Variants in EYA2 observed in about 807,000 individuals in gnomAD.
EYA2 encodes protein phosphatase EYA2.
EYA2 carries 31 observed loss-of-function variants against 69.2 expected under a neutral mutation model. The observed-to-expected ratio is 0.45, with a 90% CI of 0.34 to 0.60. The LOEUF is 0.60. Ranked by LOEUF, EYA2 falls within the 20% of genes least tolerant of loss-of-function variation. The probability of loss-of-function intolerance (pLI) is 0.02; values close to 1 mark genes in which losing one functional copy is unlikely to be tolerated. For synonymous variants in EYA2, 257 were observed against 279.4 expected (o/e 0.92, Z 0.80); for missense variants, 622 against 701.2 (o/e 0.89, Z 1.28).
chr20:47,050,587 C>T (rs2030281164), intron 5 of EYA2, among the ~76,000 whole-genome samples: 1 of 152,168 alleles, frequency 6.6e-6, no homozygotes, highest in Non-Finnish European at 1.5e-5. Flanking sequence ...GACCATCAAA[C>T]CTTTATAAGC....
At chr20:46,906,190 C>T (rs1984346834) in intron 1 of EYA2, among the ~76,000 whole-genome samples, 1 of 152,200 alleles carries the variant, frequency 6.6e-6, no homozygotes, top group African/African-American at 2.4e-5. Flanking sequence ...CCAAGTCCAT[C>T]AAGTAATTGA....
At chr20:47,085,243 T>C (rs1208682583) in intron 7 of EYA2, among the ~76,000 whole-genome samples, 1 of 152,206 alleles carries the variant, frequency 6.6e-6, no homozygotes, top group African/African-American at 2.4e-5. Context: ...TTAATGTTCA[T>C]AGCAGCCTTA....
chr20:47,147,180 T>C (rs576993842), intron 10 of EYA2, among the ~76,000 whole-genome samples: 4 of 151,574 alleles, frequency 2.6e-5, no homozygotes, highest in East Asian at 3.9e-4. Flanking sequence ...TCCCAAGTAG[T>C]TGAGATTACA....
intron 5 of EYA2, among the ~76,000 whole-genome samples, chr20:47,045,607 C>T (rs1219529118): frequency 6.6e-6 from 1 of 152,168 alleles, no homozygotes; most frequent in Non-Finnish European, 1.5e-5. Flanking sequence ...GATTTGTTAC[C>T]TTGAAGACGT....
intron 5 of EYA2, among the ~76,000 whole-genome samples, chr20:47,047,398 T>C (rs887674180): frequency 2.0e-5 from 3 of 151,576 alleles, no homozygotes; most frequent in Admixed American, 6.6e-5. Flanking sequence ...CTCTCTCTCT[T>C]TTTTTTGAGA....
rs975637696 is a variant in EYA2 at position 47,000,156 on chromosome 20, A to G, written c.110-1272A>G. ...TGAGGATGAGAATAGAACCTTTCTCACAGGGTACTTATGAGGATTAAAATA... is the reference window on the plus strand; with the variant it reads ...TGAGGATGAGAATAGAACCTTTCTCGCAGGGTACTTATGAGGATTAAAATA... On this transcript the variant is annotated intron_variant, in intron 2 of 15. Transcript: ENST00000327619. Among the ~76,000 whole-genome samples, 8 of 152,346 alleles carry G rather than the reference A, an allele frequency of 5.3e-5. 1 individual carries two copies. Among genetic ancestry groups the G allele is most frequent in the African/African-American group, 1.9e-4 (8 of 41,586 alleles).
intron 5 of EYA2, among the ~76,000 whole-genome samples, chr20:47,066,676 C>T (rs1568756510): frequency 6.6e-6 from 1 of 152,140 alleles, no homozygotes; most frequent in Non-Finnish European, 1.5e-5. Flanking sequence ...CACATTTAGC[C>T]ATAGGGAATC....
At position 47,140,142 on chromosome 20, in the gene EYA2, C is replaced by T. The variant is rs143329037; in HGVS notation, c.889-2917C>T. ...CAGTGATTAGGTGCACGAATTGCTC[C>T]GTCAAAGAGGAGTGTGTGATTGTGC... On this transcript the variant is annotated intron_variant, in intron 9 of 15. Coordinates refer to ENST00000327619, the MANE Select transcript of EYA2 (RefSeq NM_005244.5). 2.0e-3 allele frequency among the ~76,000 whole-genome samples: 307 copies of T among 152,226 alleles called. 7 individuals carry two copies. In the East Asian group the frequency reaches 0.032, roughly 16 times the overall value.
chr20:46,922,988 A>G (rs1985246958), intron 1 of EYA2, among the ~76,000 whole-genome samples: 1 of 152,226 alleles, frequency 6.6e-6, no homozygotes, highest in African/African-American at 2.4e-5. Flanking sequence ...AGACAAACCT[A>G]GAATGAGGAA....
chr20:46,999,712 T>C (rs1380018625), intron 2 of EYA2, among the ~76,000 whole-genome samples: 3 of 152,164 alleles, frequency 2.0e-5, no homozygotes, highest in African/African-American at 7.2e-5. Flanking sequence ...TTGAACAGAA[T>C]TTGGCTCAGC....
intron 1 of EYA2, among the ~76,000 whole-genome samples, chr20:46,938,183 T>C (rs1986002325): frequency 6.6e-6 from 1 of 152,226 alleles, no homozygotes; most frequent in Admixed American, 6.5e-5. Flanking sequence ...ACAGAAAATG[T>C]ACCAGTATGG....
At chr20:47,081,801 GAA>G (rs1177430692) in intron 7 of EYA2, among the ~76,000 whole-genome samples, 1 of 147,988 alleles carries the variant, frequency 6.8e-6, no homozygotes, top group African/African-American at 2.5e-5. Flanking sequence ...AAAGAAGAAA[GAA>G]AAAAAGAGAG....
At chr20:47,022,081 G>T (rs759831673) in intron 5 of EYA2, among the ~76,000 whole-genome samples, 7 of 152,290 alleles carry the variant, frequency 4.6e-5, no homozygotes, top group Non-Finnish European at 1.0e-4. Flanking sequence ...CTTTGCTACA[G>T]GACTTTTCAG....
At chr20:47,071,355 A>G (rs1165610356) in intron 5 of EYA2, among the ~76,000 whole-genome samples, 1 of 152,116 alleles carries the variant, frequency 6.6e-6, no homozygotes, top group Admixed American at 6.6e-5. Context: ...TGTTGACCAG[A>G]CTACTAGAGT....
In EYA2 at chr20:47,057,508, T is replaced by TCCCC. The variant is rs1473008691; in HGVS notation, c.416-14676_416-14675insCCCC. 5.2e-5 allele frequency among the ~76,000 whole-genome samples: 6 copies of TCCCC among 115,232 alleles called. 1 individual carries two copies. The highest frequency in any genetic ancestry group is 1.9e-4 in the African/African-American group (5 of 26,704). 75.6% of individuals were successfully genotyped at this position (115,232 alleles called of 152,430 possible). A position where few individuals can be genotyped will look rare whatever the true frequency, so the allele number is the denominator to read the frequency against. On this transcript the variant is annotated intron_variant, in intron 5 of 15. Transcript: ENST00000327619. ...CATTATCTGCTGACTACTTTTTATATCACCCCCCCCCCCCATCTCATACCT... is the reference window on the plus strand; with the variant it reads ...CATTATCTGCTGACTACTTTTTATATCCCCCACCCCCCCCCCCCATCTCATACCT...
chr20:47,000,591 T>A (rs574277238), intron 2 of EYA2, among the ~76,000 whole-genome samples: 260 of 152,336 alleles, frequency 1.7e-3, no homozygotes, highest in Admixed American at 3.3e-3. Context: ...TTGTTCAAGA[T>A]GACGGAGCAC....
At chr20:46,974,047 G>A (rs573764015) in intron 1 of EYA2, among the ~76,000 whole-genome samples, 6 of 152,170 alleles carry the variant, frequency 3.9e-5, no homozygotes, top group Non-Finnish European at 5.9e-5. Context: ...GCTACTTACC[G>A]TTGATTTTAG....
At chr20:47,157,353 C>CAA (rs57425490) in intron 10 of EYA2, among the ~76,000 whole-genome samples, 44 of 60,772 alleles carry the variant, frequency 7.2e-4, no homozygotes, top group South Asian at 1.4e-3. Flanking sequence ...GACTCCGTCT[C>CAA]AAAAAAAAAA....
chr20:47,023,643 T>TTTG (rs1555813802), intron 5 of EYA2, among the ~76,000 whole-genome samples: 42,428 of 140,590 alleles, frequency 0.3, 8,135 homozygotes, highest in Non-Finnish European at 0.43. Flanking sequence ...TTTTTTTTTT[T>TTTG]TTTTTTTTTT....
Sources: gnomAD v4.1 joint callset for allele counts (sites outside exome capture counted in the v4.1 genomes callset) on GRCh38, gnomAD v4.1.1 for gene constraint, MANE v1.5 for transcripts, NCBI Gene and HGNC (gene_info 2026-07-23, HGNC 2026-07-21) for gene names.